The following AGO4 variants were observed in gnomAD, a reference collection of about 807,000 sequenced individuals.
AGO4 encodes argonaute RISC component 4, also known as protein argonaute-4.
A neutral mutation model predicts 104.7 loss-of-function variants in AGO4; 33 were observed. That is an observed-to-expected ratio of 0.32 (90% CI 0.24 to 0.42). The LOEUF (loss-of-function observed/expected upper bound fraction) is 0.42, where lower values mean the gene tolerates loss of function less well. Among genes scored for constraint, AGO4 ranks in the 10% least tolerant of loss-of-function variants. The probability of loss-of-function intolerance (pLI) is 1.00; values close to 1 mark genes in which losing one functional copy is unlikely to be tolerated. For synonymous variants in AGO4, 331 were observed against 364.7 expected, an observed-to-expected ratio of 0.91 and a Z score of 1.05; for missense variants, 711 against 1,083.4, an observed-to-expected ratio of 0.66 and a Z score of 4.83.
At chr1:35,835,758 T>TG (rs1644299609) in intron 12 of AGO4, 76 bp from the exon 13 acceptor site, 1 of 1,237,456 alleles carries the variant, frequency 8.1e-7, no homozygotes. Flanking sequence ...AGTTAATGTG[T>TG]GGGGTTTTTT....
Position 35,818,026 on chromosome 1 carries a change from A to G in AGO4, c.185+979A>G, listed in dbSNP as rs140741698. On this transcript the variant is annotated intron_variant, in intron 2 of 17. Coordinates refer to ENST00000373210, the MANE Select transcript of AGO4 (RefSeq NM_017629.4). ...TATATTCTAATGGGGAAGACCAACA[A>G]TAAATGAAGAAGCAAACAAAACATG... Among the ~76,000 whole-genome samples the G allele has an allele frequency of 7.5e-3, 1,143 of 152,320 alleles. 16 individuals carry two copies. Among genetic ancestry groups the G allele is most frequent in the African/African-American group, 0.024 (1,017 of 41,560 alleles).
At chr1:35,812,296 A>G (rs1378605535) in intron 1 of AGO4, among the ~76,000 whole-genome samples, 1 of 152,218 alleles carries the variant, frequency 6.6e-6, no homozygotes, top group East Asian at 1.9e-4. Context: ...ATCACTCACC[A>G]TCTAACTTTT....
intron 1 of AGO4, among the ~76,000 whole-genome samples, chr1:35,813,438 A>G (rs980073934): frequency 6.6e-6 from 1 of 150,920 alleles, no homozygotes; most frequent in Non-Finnish European, 1.5e-5. Context: ...CTTTTAGTAT[A>G]AATTATGTGC....
At chr1:35,813,696 C>T (rs1643583777) in intron 1 of AGO4, among the ~76,000 whole-genome samples, 1 of 151,412 alleles carries the variant, frequency 6.6e-6, no homozygotes, top group Admixed American at 6.6e-5. Flanking sequence ...CTGCAGTGAG[C>T]CATGATTGAC....
intron 17 of AGO4, among the ~76,000 whole-genome samples, chr1:35,853,200 G>A (rs1445414297): frequency 2.0e-5 from 3 of 146,610 alleles, no homozygotes; most frequent in African/African-American, 5.1e-5. Context: ...GCAGTGAGCC[G>A]AGATTGCGCC....
At chr1:35,843,216 C>A (rs1230112812) in intron 15 of AGO4, among the ~76,000 whole-genome samples, 6 of 152,126 alleles carry the variant, frequency 3.9e-5, no homozygotes, top group African/African-American at 1.4e-4. Context: ...TAGGCGCCCA[C>A]CACCATGCCC....
chr1:35,823,252 A>ATTTTT (rs1175171016), intron 3 of AGO4, among the ~76,000 whole-genome samples: 11 of 141,630 alleles, frequency 7.8e-5, no homozygotes, highest in Non-Finnish European at 1.7e-4. Flanking sequence ...ATTCTTAGAA[A>ATTTTT]TTTTTTTTTT....
chr1:35,827,560 TTTTCAAG>T (rs1644056152), intron 7 of AGO4, among the ~76,000 whole-genome samples: 1 of 152,120 alleles, frequency 6.6e-6, no homozygotes, highest in Non-Finnish European at 1.5e-5. Context: ...TATACTGAAA[TTTTCAAG>T]ATCACGAGAA....
chr1:35,853,647 AG>A lies in AGO4; in HGVS notation c.*43del. The stretch of plus-strand genomic sequence containing the variant: ...ACTCAACCAATTTGGCACCCCATGC[AG>A]CCTCAAAATGTTTCAAATGCCTACC... On this transcript the variant is annotated 3_prime_UTR_variant, in exon 18 of 18. Coordinates refer to ENST00000373210, the MANE Select transcript of AGO4 (RefSeq NM_017629.4). 1 of 1,579,818 alleles carries A rather than the reference AG, an allele frequency of 6.3e-7. No individual in the cohort carries two copies. Among genetic ancestry groups the A allele is most frequent in the Non-Finnish European group, 8.7e-7 (1 of 1,150,958 alleles).
In AGO4 at chr1:35,835,716, T is replaced by C. The variant is rs1644298301; in HGVS notation, c.1565-118T>C. The C allele has an allele frequency of 4.8e-6, 4 of 831,874 alleles. No individual in the cohort carries two copies. In the South Asian group the frequency reaches 1.0e-4, roughly 22 times the overall value. The allele number at this position is 831,874 out of a possible 1,614,324, so 51.5% of individuals were successfully genotyped here. A position where few individuals can be genotyped will look rare whatever the true frequency, so the allele number is the denominator to read the frequency against. ...AAAAGGAAGACACATGAGAAGCATCTAGCACAGTGTACAGTATATAGTAGG... is the reference window on the plus strand; with the variant it reads ...AAAAGGAAGACACATGAGAAGCATCCAGCACAGTGTACAGTATATAGTAGG... On this transcript the variant is annotated intron_variant, in intron 12 of 17. Transcript: ENST00000373210.
chr1:35,812,690 C>G (rs946569103), intron 1 of AGO4, among the ~76,000 whole-genome samples: 4 of 152,082 alleles, frequency 2.6e-5, no homozygotes, highest in African/African-American at 9.7e-5. Context: ...CTCCCAGGTT[C>G]AAGCTATTCC....
At chr1:35,825,171 C>G (rs1643984947) in intron 3 of AGO4, 142 bp from the exon 4 acceptor site, 1 of 775,216 alleles carries the variant, frequency 1.3e-6, no homozygotes, top group Admixed American at 2.8e-5. Context: ...CTCATGGACA[C>G]TAAGTTGTTT....
At position 35,808,549 on chromosome 1, in the gene AGO4, A is replaced by T; in HGVS notation, c.19+114A>T. Reference sequence around the variant, plus strand: ...GGTTCGGGCCGCCAGGCCTCGGGGAAGGGGACCCGAGCCCCGCAGCACGAA... The same window carrying T: ...GGTTCGGGCCGCCAGGCCTCGGGGATGGGGACCCGAGCCCCGCAGCACGAA... On this transcript the variant is annotated intron_variant, in intron 1 of 17. Coordinates refer to ENST00000373210, the MANE Select transcript of AGO4 (RefSeq NM_017629.4). This position sits in a 1 kb window ranked among gnomAD's most constrained non-coding sequence, Gnocchi z 5.2. 1.1e-6 allele frequency: 1 copy of T among 926,924 alleles called. No individual in the cohort carries two copies. The allele number at this position is 926,924 out of a possible 1,614,324, so 57.4% of individuals were successfully genotyped here.
chr1:35,823,471 G>C (rs1643932488), intron 3 of AGO4, among the ~76,000 whole-genome samples: 1 of 151,900 alleles, frequency 6.6e-6, no homozygotes. Flanking sequence ...TGTTGCCCAG[G>C]CTGGAGTGCA....
chr1:35,852,353 A>T (rs1181467054), intron 17 of AGO4, among the ~76,000 whole-genome samples: 2 of 152,204 alleles, frequency 1.3e-5, no homozygotes, highest in Non-Finnish European at 2.9e-5. Flanking sequence ...CAGAAGAGGG[A>T]TGGGGATTTA....
chr1:35,818,856 T>A (rs1210997070), intron 2 of AGO4, among the ~76,000 whole-genome samples: 2 of 152,098 alleles, frequency 1.3e-5, no homozygotes, highest in Non-Finnish European at 2.9e-5. Context: ...TAGGTGAGTT[T>A]TAAATACTAA....
rs1329528499 is a variant in AGO4, at chr1:35,841,809, C to T, written c.2175+59C>T. The T allele has an allele frequency of 1.3e-5, 11 of 854,816 alleles. No homozygotes were observed. Among genetic ancestry groups the T allele is most frequent in the Non-Finnish European group, 1.8e-5 (11 of 621,988 alleles). 53.0% of individuals were successfully genotyped at this position (854,816 alleles called of 1,614,324 possible). A position where few individuals can be genotyped will look rare whatever the true frequency, so the allele number is the denominator to read the frequency against. On this transcript the variant is annotated intron_variant, in intron 15 of 17. Transcript: ENST00000373210. The surrounding 1 kb of genome is among the most constrained non-coding windows in gnomAD (Gnocchi z 4.7). ...GGCTCTGGCAAGAGATGTATATATG[C>T]ACATATATATATATATATATATATA...
In AGO4 at chr1:35,834,101, T is replaced by C. The variant is rs752145999; in HGVS notation, c.1491T>C (p.Phe497=). The stretch of plus-strand genomic sequence containing the variant: ...GTGCAGACAGTGTGGAGCCTATGTT[T>C]AAACATCTGAAAATGACTTATGTGG... ...AQGADSVEPM[F]KHLKMTYVGL... The change falls in exon 12 of 18, where the codon TTT becomes TTC. Residue 497 remains phenylalanine, a synonymous_variant. Coordinates refer to ENST00000373210, the MANE Select transcript of AGO4 (RefSeq NM_017629.4). 2 of 1,611,800 alleles carry C rather than the reference T, an allele frequency of 1.2e-6. No homozygotes were observed. Among genetic ancestry groups the C allele is most frequent in the Admixed American group, 1.7e-5 (1 of 59,594 alleles).
intron 13 of AGO4, among the ~76,000 whole-genome samples, chr1:35,839,657 G>T (rs755044590): frequency 1.3e-5 from 2 of 151,966 alleles, no homozygotes; most frequent in Admixed American, 6.6e-5. Flanking sequence ...ATATATGTCC[G>T]CTGTTATTAA....
Sources: gnomAD v4.1 joint callset for allele counts (sites outside exome capture counted in the v4.1 genomes callset) on GRCh38, gnomAD v4.1.1 for gene constraint, Gnocchi (gnomAD v3.1) non-coding constraint, MANE v1.5 for transcripts, NCBI Gene and HGNC (gene_info 2026-07-23, HGNC 2026-07-21) for gene names.